The following GPC6 variants were observed in gnomAD, a reference collection of about 807,000 sequenced individuals.
The protein encoded by GPC6 is glypican 6, also known as glypican-6.
GPC6 carries 14 observed loss-of-function variants against 55.2 expected under a neutral mutation model. That is an observed-to-expected ratio of 0.25 (90% CI 0.17 to 0.40). GPC6 has a LOEUF of 0.40. Ranked by LOEUF, GPC6 falls within the 10% of genes least tolerant of loss-of-function variation. GPC6 has a pLI of 1.00. For synonymous variants in GPC6, 278 were observed against 259.6 expected, an observed-to-expected ratio of 1.07 and a Z score of -0.68; for missense variants, 641 against 708.5, an observed-to-expected ratio of 0.90 and a Z score of 1.08.
At chr13:93,644,309 T>C (rs1880082662) in intron 2 of GPC6, among the ~76,000 whole-genome samples, 1 of 152,140 alleles carries the variant, frequency 6.6e-6, no homozygotes, top group Non-Finnish European at 1.5e-5. Context: ...TGTATATTCT[T>C]GCAGTTTACC....
chr13:93,865,041 A>G (rs1179220846), intron 3 of GPC6, among the ~76,000 whole-genome samples: 1 of 151,720 alleles, frequency 6.6e-6, no homozygotes, highest in African/African-American at 2.4e-5. Context: ...AAGTGCCTCC[A>G]TGAATGGGCA....
chr13:93,626,302 A>C (rs965371356), intron 2 of GPC6, among the ~76,000 whole-genome samples: 1 of 152,152 alleles, frequency 6.6e-6, no homozygotes, highest in African/African-American at 2.4e-5. Flanking sequence ...GCAGAACGTT[A>C]AACCAAGTTT....
At chr13:93,919,660 AT>A (rs1877472068) in intron 3 of GPC6, among the ~76,000 whole-genome samples, 1 of 152,230 alleles carries the variant, frequency 6.6e-6, no homozygotes, top group Admixed American at 6.5e-5. Flanking sequence ...TACCAAAAAA[AT>A]ATGAAGTTAT....
At chr13:93,604,355 G>C (rs1272958825) in intron 2 of GPC6, among the ~76,000 whole-genome samples, 1 of 152,166 alleles carries the variant, frequency 6.6e-6, no homozygotes, top group African/African-American at 2.4e-5. Flanking sequence ...TACACTTTCT[G>C]ATTGCTGGGA....
chr13:93,507,466 A>T lies in GPC6; in HGVS notation c.161-37797A>T, dbSNP rs148907267. 5.4e-3 allele frequency among the ~76,000 whole-genome samples: 826 copies of T among 152,286 alleles called. 5 individuals carry two copies. The highest frequency in any genetic ancestry group is 0.018 in the African/African-American group (731 of 41,562). ...AGTAAAACACTTGATATTATTACAC[A>T]ACACATTTAAAATAGCTATTTATAG... On this transcript the variant is annotated intron_variant, in intron 1 of 8. Coordinates refer to ENST00000377047, the MANE Select transcript of GPC6 (RefSeq NM_005708.5).
In GPC6 at chr13:93,540,932, C is replaced by A. The variant is rs1261670594; in HGVS notation, c.161-4331C>A. Among the ~76,000 whole-genome samples the A allele has an allele frequency of 3.3e-5, 5 of 152,118 alleles. No homozygotes were observed. In the East Asian group the frequency reaches 9.6e-4, roughly 29 times the overall value. ...TTTAGCTTCCACATATGAATGAGAA[C>A]ATGCAATGTTTATCTTTCTCTTCTT... On this transcript the variant is annotated intron_variant, in intron 1 of 8. Transcript: ENST00000377047.
intron 2 of GPC6, among the ~76,000 whole-genome samples, chr13:93,800,479 T>C (rs1468876819): frequency 1.3e-5 from 2 of 152,298 alleles, no homozygotes; most frequent in African/African-American, 2.4e-5. Flanking sequence ...ATGATCTCTA[T>C]GTCGTCTCAA....
intron 4 of GPC6, among the ~76,000 whole-genome samples, chr13:94,181,455 A>C (rs1888992616): frequency 6.6e-6 from 1 of 152,242 alleles, no homozygotes; most frequent in Non-Finnish European, 1.5e-5. Context: ...ATTTCTTATT[A>C]ATTTGTGGAG....
intron 1 of GPC6, among the ~76,000 whole-genome samples, chr13:93,338,833 G>A (rs1043634483): frequency 1.3e-5 from 2 of 152,110 alleles, no homozygotes; most frequent in African/African-American, 2.4e-5. Flanking sequence ...TAAAGCATGA[G>A]ATTAACTATG....
intron 1 of GPC6, among the ~76,000 whole-genome samples, chr13:93,405,408 C>T (rs1333278577): frequency 6.6e-6 from 1 of 152,200 alleles, no homozygotes; most frequent in African/African-American, 2.4e-5. Context: ...GTCTAGCTCA[C>T]TGCAGTATTA....
chr13:93,288,986 T>C (rs1470931807), intron 1 of GPC6, among the ~76,000 whole-genome samples: 1 of 152,214 alleles, frequency 6.6e-6, no homozygotes, highest in African/African-American at 2.4e-5. Context: ...ATGAGAGCAG[T>C]GAAATGAGAA....
At chr13:93,974,216 G>A (rs929586339) in intron 3 of GPC6, among the ~76,000 whole-genome samples, 10 of 152,134 alleles carry the variant, frequency 6.6e-5, no homozygotes, top group Admixed American at 3.9e-4. Context: ...GCAGCATGAT[G>A]CCTTGAGAAT....
chr13:93,813,902 AT>A lies in GPC6; in HGVS notation c.320-16250del, dbSNP rs1340579746. Among the ~76,000 whole-genome samples the A allele has an allele frequency of 3.9e-5, 6 of 152,072 alleles. No homozygotes were observed. In the South Asian group the frequency reaches 8.3e-4, roughly 21 times the overall value. On this transcript the variant is annotated intron_variant, in intron 2 of 8. Transcript: ENST00000377047. ...TAAAGATCATATATGTATCATCAATATTGTGTGCAGTGGTATATAATTATTA... is the reference window on the plus strand; with the variant it reads ...TAAAGATCATATATGTATCATCAATATGTGTGCAGTGGTATATAATTATTA...
intron 2 of GPC6, among the ~76,000 whole-genome samples, chr13:93,562,560 C>G (rs1405238476): frequency 6.6e-6 from 1 of 152,112 alleles, no homozygotes; most frequent in Non-Finnish European, 1.5e-5. Flanking sequence ...ACATAAAGCA[C>G]TTATTATCAT....
At chr13:93,400,616 AAC>A (rs1193845292) in intron 1 of GPC6, among the ~76,000 whole-genome samples, 2 of 152,206 alleles carry the variant, frequency 1.3e-5, no homozygotes. Flanking sequence ...GGCTGTTTGT[AAC>A]ACAAACGAAT....
At chr13:94,307,535 A>G (rs1200095473) in intron 6 of GPC6, among the ~76,000 whole-genome samples, 1 of 152,038 alleles carries the variant, frequency 6.6e-6, no homozygotes. Context: ...CTGGTCTCGA[A>G]CTCTTGAGCT....
rs761786814 is a variant in GPC6, at chr13:94,359,282, CTG to C, written c.1153-23130_1153-23129del. 3.4e-3 allele frequency among the ~76,000 whole-genome samples: 520 copies of C among 152,250 alleles called. 4 individuals are homozygous for C. Among genetic ancestry groups the C allele is most frequent in the African/African-American group, 0.012 (496 of 41,548 alleles). On this transcript the variant is annotated intron_variant, in intron 6 of 8. Transcript: ENST00000377047. ...TAAAATGAAAACTATTTTCAAAAGACTGTTTAACTTTCCTTTAATTATACTAA... is the reference window on the plus strand; with the variant it reads ...TAAAATGAAAACTATTTTCAAAAGACTTTAACTTTCCTTTAATTATACTAA...
At chr13:94,206,697 T>C (rs549554842) in intron 4 of GPC6, among the ~76,000 whole-genome samples, 2 of 151,910 alleles carry the variant, frequency 1.3e-5, no homozygotes, top group East Asian at 3.9e-4. Context: ...CTACAAAACA[T>C]AGAAATATTA....
chr13:93,786,380 T>C (rs1052116071), intron 2 of GPC6, among the ~76,000 whole-genome samples: 1 of 152,196 alleles, frequency 6.6e-6, no homozygotes, highest in Non-Finnish European at 1.5e-5. Flanking sequence ...TTGGTAGTCA[T>C]GATATTTCTT....
Sources: gnomAD v4.1 joint callset for allele counts (sites outside exome capture counted in the v4.1 genomes callset) on GRCh38, gnomAD v4.1.1 for gene constraint, MANE v1.5 for transcripts, NCBI Gene and HGNC (gene_info 2026-07-23, HGNC 2026-07-21) for gene names.